The following GPR155 variants were observed in gnomAD, a reference collection of about 807,000 sequenced individuals.
The protein encoded by GPR155 is lysosomal cholesterol signaling protein.
In GPR155, 65 loss-of-function variants were observed where a neutral mutation model predicts 93.1. That is an observed-to-expected ratio of 0.70 (90% CI 0.57 to 0.86). The LOEUF (loss-of-function observed/expected upper bound fraction) is 0.86, where lower values mean the gene tolerates loss of function less well. Among genes scored for constraint, GPR155 ranks in the 40% least tolerant of loss-of-function variants. GPR155 has a pLI of 0.00. For missense variants in GPR155, 838 were observed against 1,034.8 expected (o/e 0.81, Z 2.61); for synonymous variants, 319 against 360.1 (o/e 0.89, Z 1.29).
chr2:174,475,790 G>T (rs1175895694), intron 2 of GPR155, among the ~76,000 whole-genome samples: 2 of 151,942 alleles, frequency 1.3e-5, no homozygotes, highest in Admixed American at 6.6e-5. Context: ...GTTCATACCT[G>T]CCCACCAACT....
At position 174,481,843 on chromosome 2, in the gene GPR155, T is replaced by A. The variant is rs200050970; in HGVS notation, c.114A>T (p.Ser38=). 27 of 1,614,174 alleles carry A rather than the reference T, an allele frequency of 1.7e-5. No homozygotes were observed. The Admixed American group carries it at 4.3e-4, about 26-fold the overall frequency. Residue 38 remains serine (S), a synonymous_variant, in exon 2 of 16, where the codon TCA becomes TCT. Coordinates refer to ENST00000392552, the MANE Select transcript of GPR155 (RefSeq NM_152529.7). ...GTAAGGCTGGAAAAAGCCTTGTAAT[T>A]GACATTGAAGGTGGGTCATTAGTGG... is the stretch of plus-strand genomic sequence containing the variant. ...FNSTNDPPSM[S]ITRLFPALLE...
intron 15 of GPR155, among the ~76,000 whole-genome samples, chr2:174,436,623 A>G (rs773023054): frequency 1.3e-5 from 2 of 152,250 alleles, no homozygotes; most frequent in Non-Finnish European, 2.9e-5. Flanking sequence ...AAAATATGCC[A>G]GTAATGCTTG....
chr2:174,471,649 GATT>G (rs1688002471), intron 3 of GPR155, among the ~76,000 whole-genome samples: 2 of 152,020 alleles, frequency 1.3e-5, no homozygotes, highest in Non-Finnish European at 2.9e-5. Flanking sequence ...GCAAGACCAA[GATT>G]GTTAACATTT....
chr2:174,480,421 A>C (rs1353077531), intron 2 of GPR155, among the ~76,000 whole-genome samples: 2 of 152,236 alleles, frequency 1.3e-5, no homozygotes, highest in Admixed American at 1.3e-4. Flanking sequence ...GAATGAATGA[A>C]TATATCTATA....
intron 13 of GPR155, among the ~76,000 whole-genome samples, chr2:174,442,509 C>T (rs10930669): frequency 0.24 from 36,337 of 151,984 alleles, 5,817 homozygotes; most frequent in East Asian, 0.7. Context: ...TCCCACTGTG[C>T]GTAAGTATTT....
chr2:174,455,071 T>A (rs1687472943), intron 10 of GPR155, among the ~76,000 whole-genome samples: 1 of 152,150 alleles, frequency 6.6e-6, no homozygotes, highest in Non-Finnish European at 1.5e-5. Context: ...TGTATGTTCC[T>A]ACAACAAAGA....
intron 2 of GPR155, among the ~76,000 whole-genome samples, chr2:174,474,964 T>C (rs1688103562): frequency 6.6e-6 from 1 of 152,072 alleles, no homozygotes; most frequent in Non-Finnish European, 1.5e-5. Flanking sequence ...GCCACAGTCG[T>C]TCACAAGGAG....
chr2:174,436,441 A>C (rs764696005), intron 15 of GPR155, 25 bp from the exon 16 acceptor site: 1 of 1,609,422 alleles, frequency 6.2e-7, no homozygotes, highest in African/African-American at 1.3e-5. Flanking sequence ...TGATTCACCC[A>C]TATTTTCTGT....
intron 11 of GPR155, among the ~76,000 whole-genome samples, chr2:174,449,227 C>A (rs1479893430): frequency 1.3e-5 from 2 of 152,114 alleles, no homozygotes; most frequent in Admixed American, 6.5e-5. Context: ...AATCAATAAA[C>A]AACAGATGCT....
chr2:174,442,032 A>G (rs1293283650), intron 14 of GPR155, 87 bp downstream of exon 14: 1 of 767,802 alleles, frequency 1.3e-6, no homozygotes, highest in African/African-American at 1.7e-5. Context: ...ACAAGTAGCC[A>G]CCATGCATGG....
intron 10 of GPR155, among the ~76,000 whole-genome samples, chr2:174,454,285 T>G (rs896415693): frequency 1.3e-5 from 2 of 152,090 alleles, no homozygotes; most frequent in Non-Finnish European, 2.9e-5. Flanking sequence ...TACAGGCACC[T>G]GCCACCAGGC....
At chr2:174,452,305 G>A (rs1282839274) in intron 11 of GPR155, among the ~76,000 whole-genome samples, 1 of 152,126 alleles carries the variant, frequency 6.6e-6, no homozygotes, top group Non-Finnish European at 1.5e-5. Context: ...CCAGCAGATA[G>A]CCAAATATAA....
Position 174,453,827 on chromosome 2 carries a change from A to G in GPR155, c.1786T>C (p.Ser596Pro). The G allele has an allele frequency of 6.2e-7, 1 of 1,610,920 alleles. No individual in the cohort carries two copies. ...SIPETSCCSCSMGNGELHCPS... is the reference protein window; with the variant it reads ...SIPETSCCSCPMGNGELHCPS... Reference sequence around the variant, plus strand: ...CAGTGTAATTCACCATTTCCCATGGAGCAGGAGCAGCAACCTATATCAATC... The same window carrying G: ...CAGTGTAATTCACCATTTCCCATGGGGCAGGAGCAGCAACCTATATCAATC... Residue 596 changes from serine (S) to proline (P), a missense_variant, in exon 11 of 16, where the codon TCC becomes CCC. Ser to Pro is a moderately conservative substitution (Grantham distance 74). This residue lies in a region of GPR155 where 663 missense variants were observed against 790.1 expected (regional missense o/e 0.84). Transcript: ENST00000392552.
chr2:174,458,448 A>C (rs1055474685), intron 10 of GPR155, among the ~76,000 whole-genome samples: 2 of 152,212 alleles, frequency 1.3e-5, no homozygotes, highest in Non-Finnish European at 2.9e-5. Flanking sequence ...AATTCTTCTT[A>C]GGTAATACCC....
intron 11 of GPR155, among the ~76,000 whole-genome samples, chr2:174,450,686 T>A (rs1687292540): frequency 6.6e-6 from 1 of 151,988 alleles, no homozygotes; most frequent in African/African-American, 2.4e-5. Context: ...AAGAAAAACA[T>A]TTTTTTTACA....
chr2:174,436,314 G>T lies in GPR155; in HGVS notation c.2415C>A (p.Tyr805Ter). ...CTCCCCCTTGTACCAGCCTGTCTCC[G>T]TATATCACAGCTTCACCACGGTCGG... ...LASDRGEAVI[Y>*]GDRLVQGGVI... The change falls in exon 16 of 16, where the codon TAC becomes TAA. Residue 805 changes from tyrosine to a stop codon, truncating the protein, a stop_gained. Coordinates refer to ENST00000392552, the MANE Select transcript of GPR155 (RefSeq NM_152529.7). LOFTEE classifies it high-confidence loss of function. The T allele has an allele frequency of 1.2e-6, 2 of 1,613,994 alleles. No homozygotes were observed. Among genetic ancestry groups the T allele is most frequent in the Middle Eastern group, 3.3e-4 (2 of 6,062 alleles).
chr2:174,435,870 T>A lies in GPR155; in HGVS notation c.*246A>T, dbSNP rs181905855. 66 of 474,028 alleles carry A rather than the reference T, an allele frequency of 1.4e-4. No homozygotes were observed. The highest frequency in any genetic ancestry group is 2.3e-4 in the Non-Finnish European group (61 of 264,510). The allele number at this position is 474,028 out of a possible 1,614,324, so 29.4% of individuals were successfully genotyped here. On this transcript the variant is annotated 3_prime_UTR_variant, in exon 16 of 16. Transcript: ENST00000392552. ...CTTGGATACTAAAGGATGACTATAT[T>A]ATATTCATTATCAGAACTTTAATTT...
At chr2:174,440,731 G>A (rs1686933231) in intron 14 of GPR155, among the ~76,000 whole-genome samples, 1 of 152,108 alleles carries the variant, frequency 6.6e-6, no homozygotes, top group Non-Finnish European at 1.5e-5. Flanking sequence ...TTTTGACTTT[G>A]AAAACACAAG....
At chr2:174,475,346 CTAAGA>C in intron 2 of GPR155, among the ~76,000 whole-genome samples, 1 of 134,748 alleles carries the variant, frequency 7.4e-6, no homozygotes, top group Admixed American at 7.3e-5. Flanking sequence ...TCAATTTACA[CTAAGA>C]TAAAATGATA....
Sources: allele counts gnomAD v4.1 joint callset (sites outside exome capture counted in the v4.1 genomes callset), GRCh38; gene constraint gnomAD v4.1.1; regional missense constraint gnomAD v4.1.1; transcripts MANE v1.5; gene names NCBI Gene and HGNC (gene_info 2026-07-23, HGNC 2026-07-21).